The following SPAG1 variants were observed in gnomAD, a reference collection of about 807,000 sequenced individuals.
The protein encoded by SPAG1 is sperm associated antigen 1.
SPAG1 carries 69 observed loss-of-function variants against 100.5 expected under a neutral mutation model. That is an observed-to-expected ratio of 0.69 (90% CI 0.57 to 0.84). SPAG1 has a LOEUF of 0.84. Among genes scored for constraint, SPAG1 ranks in the 40% least tolerant of loss-of-function variants. The probability of loss-of-function intolerance (pLI) is 0.00; values close to 1 mark genes in which losing one functional copy is unlikely to be tolerated. For synonymous variants in SPAG1, 336 were observed against 411.6 expected, an observed-to-expected ratio of 0.82 and a Z score of 2.22; for missense variants, 955 against 1,133.1, an observed-to-expected ratio of 0.84 and a Z score of 2.26.
chr8:100,163,283 G>A (rs1297064443), intron 2 of SPAG1, among the ~76,000 whole-genome samples: 1 of 151,732 alleles, frequency 6.6e-6, no homozygotes, highest in African/African-American at 2.4e-5. Flanking sequence ...CAGGGAACAT[G>A]TGTTTTTAAC....
At position 100,177,946 on chromosome 8, in the gene SPAG1, G is replaced by T. The variant is rs759586586; in HGVS notation, c.426+5G>T. ...AGCTGTCTTCATGTAGGCAAGGTAG[G>T]CTTCTTTGATATCTTTGTGGGTGGT... is the stretch of plus-strand genomic sequence containing the variant. On this transcript the variant is annotated splice_donor_5th_base_variant and intron_variant, in intron 4 of 18. Transcript: ENST00000388798. The T allele has an allele frequency of 6.2e-7, 1 of 1,607,828 alleles. No individual in the cohort carries two copies. Among genetic ancestry groups the T allele is most frequent in the Admixed American group, 1.7e-5 (1 of 58,786 alleles).
chr8:100,198,733 GA>G (rs773867659), intron 10 of SPAG1, among the ~76,000 whole-genome samples: 1 of 152,104 alleles, frequency 6.6e-6, no homozygotes, highest in Non-Finnish European at 1.5e-5. Context: ...TCTAATTTCA[GA>G]ACATTTTTAT....
At position 100,225,313 on chromosome 8, in the gene SPAG1, G is replaced by A; in HGVS notation, c.1829G>A (p.Ser610Asn). 1 of 1,613,756 alleles carries A rather than the reference G, an allele frequency of 6.2e-7. No homozygotes were observed. Among genetic ancestry groups the A allele is most frequent in the Non-Finnish European group, 8.5e-7 (1 of 1,179,984 alleles). ...EMISKQAGDSSSHRQQGITDE... is the reference protein window; with the variant it reads ...EMISKQAGDSNSHRQQGITDE... ...ATCTCAAAACAAGCAGGAGACTCCA[G>A]CAGCCATCGCCAGCAGGGCATCACA... Residue 610 changes from serine (S) to asparagine (N), a missense_variant, in exon 14 of 19, where the codon AGC (serine) becomes AAC (asparagine). Physicochemically the swap from Ser to Asn is conservative, Grantham distance 46. Coordinates refer to ENST00000388798, the MANE Select transcript of SPAG1 (RefSeq NM_003114.5).
chr8:100,182,039 T>A (rs1403571513), intron 4 of SPAG1, among the ~76,000 whole-genome samples: 6 of 152,228 alleles, frequency 3.9e-5, no homozygotes, highest in Non-Finnish European at 7.3e-5. Flanking sequence ...AACCTGAGCC[T>A]AATGAGAATG....
At chr8:100,165,708 G>A (rs1815519572) in intron 2 of SPAG1, 106 bp from the exon 3 acceptor site, 4 of 795,230 alleles carry the variant, frequency 5.0e-6, no homozygotes, top group Non-Finnish European at 8.0e-6. Flanking sequence ...CAGCCCTTGA[G>A]ATCTCCACAG....
intron 13 of SPAG1, among the ~76,000 whole-genome samples, chr8:100,223,760 T>TA (rs2132399500): frequency 6.6e-6 from 1 of 152,196 alleles, no homozygotes; most frequent in South Asian, 2.1e-4. Flanking sequence ...GCTGGTAATA[T>TA]AAGTTTTGCT....
chr8:100,231,328 G>C (rs372465077), intron 15 of SPAG1, 40 bp downstream of exon 15: 25 of 1,291,596 alleles, frequency 1.9e-5, no homozygotes, highest in African/African-American at 3.0e-5. Context: ...TATGTTAATA[G>C]TTTTGATTAT....
At chr8:100,173,766 T>C (rs1190725056) in intron 3 of SPAG1, among the ~76,000 whole-genome samples, 1 of 152,212 alleles carries the variant, frequency 6.6e-6, no homozygotes, top group Non-Finnish European at 1.5e-5. Flanking sequence ...TAAATCTTTA[T>C]GCTAATGTAT....
intron 4 of SPAG1, among the ~76,000 whole-genome samples, chr8:100,183,050 T>C (rs183270791): frequency 2.0e-5 from 3 of 152,326 alleles, no homozygotes; most frequent in Admixed American, 6.5e-5. Flanking sequence ...CTCTGCTCAC[T>C]GCAACCTCCA....
At chr8:100,185,171 T>C (rs1816534855) in intron 7 of SPAG1, 1 of 154,284 alleles carries the variant, frequency 6.5e-6, no homozygotes, top group Non-Finnish European at 1.4e-5. Context: ...TTACAACTAA[T>C]TGATCACAAC....
intron 14 of SPAG1, 37 bp downstream of exon 14, chr8:100,225,376 C>T (rs765182754): frequency 6.3e-7 from 1 of 1,596,198 alleles, no homozygotes; most frequent in Non-Finnish European, 8.6e-7. Flanking sequence ...CTCAAGGTTA[C>T]CTTGAGTTGT....
chr8:100,213,727 A>C, intron 11 of SPAG1, 92 bp from the exon 12 acceptor site: 1 of 783,602 alleles, frequency 1.3e-6, no homozygotes. Flanking sequence ...CTGCAGTGCC[A>C]CCCCACCGGA....
intron 16 of SPAG1, among the ~76,000 whole-genome samples, chr8:100,237,024 T>C (rs1178740065): frequency 6.6e-6 from 1 of 152,212 alleles, no homozygotes; most frequent in Non-Finnish European, 1.5e-5. Flanking sequence ...GGTTAGCAAC[T>C]TTTAATGCCT....
In SPAG1 at chr8:100,213,148, C is replaced by T. The variant is rs575316699; in HGVS notation, c.1155C>T (p.Ile385=). The part of the protein sequence containing the change: ...RAAQPCVMGN[I]QKKLTGKAEG... ...CCCAGCCGTGCGTCATGGGCAACAT[C>T]CAGAAGAAGCTGACTGGCAAAGCCG... The change falls in exon 11 of 19, where the codon ATC becomes ATT. Residue 385 remains isoleucine (I), a synonymous_variant. Coordinates refer to ENST00000388798, the MANE Select transcript of SPAG1 (RefSeq NM_003114.5). The T allele has an allele frequency of 7.4e-6, 11 of 1,482,196 alleles. No homozygotes were observed. The highest frequency in any genetic ancestry group is 6.3e-5 in the South Asian group (5 of 79,408). The allele number at this position is 1,482,196 out of a possible 1,614,324, so 91.8% of individuals were successfully genotyped here.
intron 10 of SPAG1, among the ~76,000 whole-genome samples, chr8:100,204,924 C>T (rs1174687222): frequency 6.6e-5 from 10 of 152,090 alleles, no homozygotes; most frequent in Non-Finnish European, 1.3e-4. Flanking sequence ...GCAAGGTGGA[C>T]GTAGCTACCA....
intron 10 of SPAG1, among the ~76,000 whole-genome samples, chr8:100,210,991 G>T (rs938698131): frequency 2.6e-5 from 4 of 151,968 alleles, no homozygotes; most frequent in Non-Finnish European, 5.9e-5. Flanking sequence ...ACCATGCCCA[G>T]CTAATTTTTG....
intron 10 of SPAG1, among the ~76,000 whole-genome samples, chr8:100,198,592 C>A (rs1019473119): frequency 4.6e-5 from 7 of 151,860 alleles, no homozygotes; most frequent in Non-Finnish European, 4.4e-5. Flanking sequence ...AAAATAGTAC[C>A]CTTTGTTGTC....
chr8:100,229,349 G>A (rs111784973), intron 14 of SPAG1, among the ~76,000 whole-genome samples: 1 of 152,184 alleles, frequency 6.6e-6, no homozygotes, highest in Non-Finnish European at 1.5e-5. Flanking sequence ...GAACCCGGCA[G>A]GTGGAGCTTG....
At chr8:100,194,670 C>A in intron 10 of SPAG1, 1 of 359,234 alleles carries the variant, frequency 2.8e-6, no homozygotes, top group Non-Finnish European at 4.9e-6. Flanking sequence ...CAAAAATGAA[C>A]GTATTACTAG....
Sources: gnomAD v4.1 joint callset for allele counts (sites outside exome capture counted in the v4.1 genomes callset) on GRCh38, gnomAD v4.1.1 for gene constraint, MANE v1.5 for transcripts, NCBI Gene and HGNC (gene_info 2026-07-23, HGNC 2026-07-21) for gene names.